Variants in MYMX observed in about 807,000 individuals in gnomAD.
The protein encoded by MYMX is myomixer, myoblast fusion factor, also known as protein myomixer.
rs963548767 is a variant in MYMX, at chr6:44,217,614, C to A, written c.143C>A (p.Ala48Asp). The change falls in exon 2 of 2, where the codon GCT (alanine) becomes GAT (aspartate). Residue 48 changes from alanine to aspartate, a missense_variant. By Grantham distance (126) the Ala-to-Asp change is moderately radical. Coordinates refer to ENST00000573382, the MANE Select transcript of MYMX (RefSeq NM_001315494.2). ...RRLGSQDMRE[A>D]LLGCLLFILS... ...CTGGGCTCCCAGGACATGCGAGAGG[C>A]TTTGCTGGGCTGTCTGCTGTTCATT... is the stretch of plus-strand genomic sequence containing the variant. The A allele has an allele frequency of 2.5e-6, 1 of 401,376 alleles. No homozygotes were observed. The highest frequency in any genetic ancestry group is 1.3e-4 in the South Asian group (1 of 8,000). 24.9% of individuals were successfully genotyped at this position (401,376 alleles called of 1,614,324 possible). A position where few individuals can be genotyped will look rare whatever the true frequency, so the allele number is the denominator to read the frequency against.
the MYMX span, among the ~76,000 whole-genome samples, chr6:44,203,892 G>A: frequency 6.6e-6 from 1 of 152,046 alleles, no homozygotes; most frequent in Non-Finnish European, 1.5e-5. Flanking sequence ...CTGTCACCCA[G>A]GCTGGAGTGC....
the MYMX span, among the ~76,000 whole-genome samples, chr6:44,205,989 AAAACAAAAC>A: frequency 7.0e-5 from 10 of 142,444 alleles, no homozygotes; most frequent in South Asian, 2.3e-4. Context: ...CAAAAAAAAA[AAAACAAAAC>A]AAAAAAAAAC....
upstream of MYMX, among the ~76,000 whole-genome samples, chr6:44,215,945 G>C (rs976384757): frequency 6.6e-6 from 1 of 152,110 alleles, no homozygotes; most frequent in African/African-American, 2.4e-5. Flanking sequence ...ATAAAACCCA[G>C]GCTATAAACC....
the MYMX span, among the ~76,000 whole-genome samples, chr6:44,207,712 A>G: frequency 2.0e-5 from 3 of 151,744 alleles, no homozygotes; most frequent in Admixed American, 1.3e-4. Flanking sequence ...TTGTATTTTT[A>G]GTAGAGCGAG....
upstream of MYMX, among the ~76,000 whole-genome samples, chr6:44,215,203 T>C (rs1775795149): frequency 6.6e-6 from 1 of 152,202 alleles, no homozygotes; most frequent in Admixed American, 6.5e-5. Context: ...ACAAAACACT[T>C]CATGGACAGT....
the MYMX span, among the ~76,000 whole-genome samples, chr6:44,211,721 G>A: frequency 3.9e-4 from 58 of 149,976 alleles, no homozygotes; most frequent in South Asian, 0.012. Context: ...AGGTTCAAGC[G>A]ATTTTTGTGT....
At chr6:44,210,387 G>A in the MYMX span, among the ~76,000 whole-genome samples, 26 of 152,208 alleles carry the variant, frequency 1.7e-4, no homozygotes, top group African/African-American at 5.1e-4. Flanking sequence ...CTTCTAGGCT[G>A]AAGTGATCCT....
the MYMX span, among the ~76,000 whole-genome samples, chr6:44,204,112 G>C: frequency 6.6e-6 from 1 of 152,200 alleles, no homozygotes; most frequent in South Asian, 2.1e-4. Flanking sequence ...GTCTCCCAAA[G>C]TGCTGGGTTT....
chr6:44,208,517 C>T, the MYMX span, among the ~76,000 whole-genome samples: 175 of 152,274 alleles, frequency 1.1e-3, no homozygotes, highest in African/African-American at 3.3e-3. Context: ...TCTCGGATCT[C>T]TAGACCCCCT....
the MYMX span, among the ~76,000 whole-genome samples, chr6:44,205,998 C>CAAA: frequency 4.4e-5 from 4 of 91,226 alleles, 2 homozygotes; most frequent in African/African-American, 8.1e-5. Context: ...AAAAACAAAA[C>CAAA]AAAAAAAAAC....
At chr6:44,212,662 T>C (rs1039451227), upstream of MYMX, among the ~76,000 whole-genome samples, 3 of 151,700 alleles carry the variant, frequency 2.0e-5, no homozygotes, top group African/African-American at 7.3e-5. Context: ...ATAGTCAAAC[T>C]GACTAAAATT....
chr6:44,198,934 A>T, the MYMX span, among the ~76,000 whole-genome samples: 2 of 152,022 alleles, frequency 1.3e-5, no homozygotes, highest in African/African-American at 4.8e-5. Flanking sequence ...TTTGTAATTG[A>T]TGTGCCAGAG....
At chr6:44,198,363 C>T in the MYMX span, among the ~76,000 whole-genome samples, 1 of 151,782 alleles carries the variant, frequency 6.6e-6, no homozygotes, top group Non-Finnish European at 1.5e-5. Context: ...GATGGGGTTT[C>T]ACCGTGTTAG....
chr6:44,213,003 G>A (rs1331761013), upstream of MYMX, among the ~76,000 whole-genome samples: 1 of 152,018 alleles, frequency 6.6e-6, no homozygotes, highest in Non-Finnish European at 1.5e-5. Context: ...CTAGGAAACA[G>A]GGTAAGACCC....
At chr6:44,202,428 ATTT>A in the MYMX span, among the ~76,000 whole-genome samples, 1 of 137,502 alleles carries the variant, frequency 7.3e-6, no homozygotes, top group African/African-American at 2.7e-5. Flanking sequence ...TCCAGATACT[ATTT>A]TTTTTTTTTT....
At chr6:44,193,010 G>C in the MYMX span, among the ~76,000 whole-genome samples, 2 of 152,052 alleles carry the variant, frequency 1.3e-5, no homozygotes, top group African/African-American at 4.8e-5. Flanking sequence ...GGGCCAAAGT[G>C]CCCCAGCTGG....
chr6:44,196,873 G>T, the MYMX span, among the ~76,000 whole-genome samples: 51 of 152,216 alleles, frequency 3.4e-4, no homozygotes, highest in African/African-American at 1.1e-3. Context: ...CAGAAGAATC[G>T]CTTGAACCTG....
chr6:44,216,671 A>C (rs1179144056), upstream of MYMX, among the ~76,000 whole-genome samples: 1 of 128,580 alleles, frequency 7.8e-6, no homozygotes, highest in Non-Finnish European at 1.6e-5. Context: ...AAAAAAAAAA[A>C]AGAAGAAGAG....
chr6:44,196,563 C>T, the MYMX span, among the ~76,000 whole-genome samples: 1 of 152,036 alleles, frequency 6.6e-6, no homozygotes, highest in Non-Finnish European at 1.5e-5. Flanking sequence ...CCTGTAATCC[C>T]TGCTACTCAG....
Sources: gnomAD v4.1 joint callset for allele counts (sites outside exome capture counted in the v4.1 genomes callset) on GRCh38, gnomAD v4.1.1 for gene constraint, MANE v1.5 for transcripts, NCBI Gene and HGNC (gene_info 2026-07-23, HGNC 2026-07-21) for gene names.